The following SMARCA2 variants were observed in gnomAD, a reference collection of about 807,000 sequenced individuals.
SMARCA2 encodes SWI/SNF related BAF chromatin remodeling complex subunit ATPase 2, also known as SWI/SNF-related matrix-associated actin-dependent regulator of chromatin subfamily A member 2.
In SMARCA2, 61 loss-of-function variants were observed where a neutral mutation model predicts 199.8. The observed-to-expected ratio is 0.31, with a 90% CI of 0.25 to 0.38. SMARCA2 has a LOEUF of 0.38. Among genes scored for constraint, SMARCA2 ranks in the 10% least tolerant of loss-of-function variants. The pLI, the probability that SMARCA2 is intolerant of heterozygous loss-of-function variation, is 1.00. For missense variants in SMARCA2, 1,344 were observed against 2,012.2 expected, an observed-to-expected ratio of 0.67 and a Z score of 6.35; for synonymous variants, 935 against 732.0, an observed-to-expected ratio of 1.28 and a Z score of -4.48.
chr9:2,142,675 TTAAAA>T (rs1379287624), intron 27 of SMARCA2, among the ~76,000 whole-genome samples: 3 of 152,210 alleles, frequency 2.0e-5, no homozygotes, highest in South Asian at 2.1e-4. Context: ...TAGTTACTAG[TTAAAA>T]TAAAGGCAGT....
chr9:2,084,292 G>A lies in SMARCA2; in HGVS notation c.2526+96G>A, dbSNP rs569785729. ...CAGTAGTGTAATTGGATCCTTAGAT[G>A]GCTTGTCCTTTTCTTTATTTTTCTA... On this transcript the variant is annotated intron_variant, in intron 17 of 33. Transcript: ENST00000349721. 84 of 644,994 alleles carry A rather than the reference G, an allele frequency of 1.3e-4. No homozygotes were observed. In the Middle Eastern group the frequency reaches 1.3e-3, roughly 10 times the overall value. 40.0% of individuals were successfully genotyped at this position (644,994 alleles called of 1,614,324 possible).
rs148360213 is a variant in SMARCA2 at position 2,086,945 on chromosome 9, G to A, written c.2643G>A (p.Gly881=). Residue 881 remains glycine, a synonymous_variant, in exon 18 of 34, where the codon GGG becomes GGA. Coordinates refer to ENST00000349721, the MANE Select transcript of SMARCA2 (RefSeq NM_003070.5). The surrounding 1 kb of genome is among the most constrained non-coding windows in gnomAD (Gnocchi z 4.3). The part of the protein sequence containing the change: ...YVAPRRILLT[G]TPLQNKLPEL... ...CCCCCAGAAGGATCCTCTTGACTGG[G>A]ACCCCGCTGCAGAATAAGCTCCCTG... 1 of 1,614,114 alleles carries A rather than the reference G, an allele frequency of 6.2e-7. No homozygotes were observed. The highest frequency in any genetic ancestry group is 2.2e-5 in the East Asian group (1 of 44,874).
chr9:2,040,788 G>T (rs1819572063), intron 4 of SMARCA2: 2 of 152,360 alleles, frequency 1.3e-5, no homozygotes, highest in South Asian at 4.1e-4. Context: ...GGGTAGAAAT[G>T]ATACAATCCT....
chr9:2,190,168 T>G (rs2129990526), intron 32 of SMARCA2, among the ~76,000 whole-genome samples: 1 of 152,360 alleles, frequency 6.6e-6, no homozygotes. Flanking sequence ...TTCCAAGTGT[T>G]TCCATTGGTA....
At chr9:2,128,941 A>G (rs779521003) in intron 27 of SMARCA2, among the ~76,000 whole-genome samples, 1 of 152,182 alleles carries the variant, frequency 6.6e-6, no homozygotes, top group Non-Finnish European at 1.5e-5. Context: ...ATAGTCCCCA[A>G]CAACACTGCC....
intron 27 of SMARCA2, chr9:2,158,966 G>A: frequency 6.2e-7 from 1 of 1,612,242 alleles, no homozygotes; most frequent in South Asian, 1.1e-5. Flanking sequence ...ACCTTAGTTT[G>A]AGGGGAATAA....
At position 2,186,306 on chromosome 9, in the gene SMARCA2, G is replaced by C. The variant is rs147822476; in HGVS notation, c.4594+78G>C. 5.3e-3 allele frequency: 7,548 copies of C among 1,430,758 alleles called. 33 individuals are homozygous for C. The highest frequency in any genetic ancestry group is 0.013 in the South Asian group (964 of 76,660). The allele number at this position is 1,430,758 out of a possible 1,614,324, so 88.6% of individuals were successfully genotyped here. A position where few individuals can be genotyped will look rare whatever the true frequency, so the allele number is the denominator to read the frequency against. ...GCTGTCTCCACAGATGTTCACAGAA[G>C]AGACTTTAGAGTGGGGCAGATCTGG... On this transcript the variant is annotated intron_variant, in intron 32 of 33. Coordinates refer to ENST00000349721, the MANE Select transcript of SMARCA2 (RefSeq NM_003070.5).
chr9:2,023,854 C>T (rs1818708947), intron 1 of SMARCA2, among the ~76,000 whole-genome samples: 1 of 152,184 alleles, frequency 6.6e-6, no homozygotes. Flanking sequence ...CCCTTCAGGT[C>T]AGGGGAGATG....
intron 12 of SMARCA2, among the ~76,000 whole-genome samples, chr9:2,075,711 G>A (rs146828122): frequency 0.032 from 4,941 of 152,230 alleles, 204 homozygotes; most frequent in African/African-American, 0.099. Context: ...AGGCTGGAGT[G>A]CAGTGGTGTG....
intron 29 of SMARCA2, among the ~76,000 whole-genome samples, chr9:2,178,205 T>A (rs564204543): frequency 6.6e-6 from 1 of 152,260 alleles, no homozygotes; most frequent in African/African-American, 2.4e-5. Context: ...GAGGAGAGGT[T>A]CTTGTCCACC....
Position 2,186,140 on chromosome 9 carries a change from C to T in SMARCA2, c.4506C>T (p.Ala1502=). Residue 1502 remains alanine (A), a synonymous_variant, in exon 32 of 34, where the codon GCC becomes GCT. Transcript: ENST00000349721. ...SIVLQSVFKS[A]RQKIAKEEES... ...TCTTACAGTCAGTGTTTAAGAGTGC[C>T]CGGCAGAAAATTGCCAAAGAGGAAG... is the stretch of plus-strand genomic sequence containing the variant. 1 of 1,613,856 alleles carries T rather than the reference C, an allele frequency of 6.2e-7. No individual in the cohort carries two copies.
chr9:2,115,879 C>A lies in SMARCA2; in HGVS notation c.3514C>A (p.Leu1172Met). Residue 1172 changes from leucine (L) to methionine (M), a missense_variant, in exon 25 of 34, where the codon CTG becomes ATG. Transcript: ENST00000349721. This position sits in a 1 kb window ranked among gnomAD's most constrained non-coding sequence, Gnocchi z 6.0. ...RIGQQNEVRV[L>M]RLCTVNSVEE... ...CGGGCAGCAGAACGAGGTCCGGGTACTGAGGCTCTGTACCGTGAACAGCGT... is the reference window on the plus strand; with the variant it reads ...CGGGCAGCAGAACGAGGTCCGGGTAATGAGGCTCTGTACCGTGAACAGCGT... 6.2e-7 allele frequency: 1 copy of A among 1,614,046 alleles called. No individual in the cohort carries two copies. The highest frequency in any genetic ancestry group is 8.5e-7 in the Non-Finnish European group (1 of 1,180,004).
intron 27 of SMARCA2, among the ~76,000 whole-genome samples, chr9:2,147,371 G>C (rs535145491): frequency 6.6e-6 from 1 of 152,024 alleles, no homozygotes; most frequent in African/African-American, 2.4e-5. Flanking sequence ...ACATTCATTA[G>C]GGTGAGAAAA....
chr9:2,037,594 G>T (rs189439168), intron 3 of SMARCA2, among the ~76,000 whole-genome samples: 1 of 152,192 alleles, frequency 6.6e-6, no homozygotes, highest in Non-Finnish European at 1.5e-5. Flanking sequence ...TGAATCCCCA[G>T]TTGGTGGCGG....
intron 10 of SMARCA2, among the ~76,000 whole-genome samples, chr9:2,071,315 T>G (rs1821076591): frequency 2.0e-5 from 3 of 152,196 alleles, no homozygotes; most frequent in African/African-American, 7.2e-5. Flanking sequence ...ACTTAACCAC[T>G]ATAATCTATC....
In SMARCA2 at chr9:2,018,582, A is replaced by G. The variant is rs538940745; in HGVS notation, c.-37+3178A>G. Reference sequence around the variant, plus strand: ...TTTTTAACATTTCTGCGTTACCAATATCGAATTTCAAACTTCCATTTCAAA... The same window carrying G: ...TTTTTAACATTTCTGCGTTACCAATGTCGAATTTCAAACTTCCATTTCAAA... On this transcript the variant is annotated intron_variant, in intron 1 of 33. Coordinates refer to ENST00000349721, the MANE Select transcript of SMARCA2 (RefSeq NM_003070.5). Among the ~76,000 whole-genome samples the G allele has an allele frequency of 4.3e-4, 66 of 152,334 alleles. No individual in the cohort carries two copies. In the South Asian group the frequency reaches 0.013, roughly 29 times the overall value.
chr9:2,092,976 G>A (rs1045411361), intron 19 of SMARCA2, among the ~76,000 whole-genome samples: 2 of 152,196 alleles, frequency 1.3e-5, no homozygotes, highest in African/African-American at 4.8e-5. Context: ...CTGTGATTCA[G>A]TGTGGTGGCT....
intron 26 of SMARCA2, among the ~76,000 whole-genome samples, chr9:2,122,756 G>A (rs1481687596): frequency 2.0e-5 from 3 of 152,194 alleles, no homozygotes; most frequent in Non-Finnish European, 4.4e-5. Context: ...ACCAAAGGAA[G>A]AAGGAAAAGG....
intron 5 of SMARCA2, chr9:2,047,734 A>C: frequency 3.6e-6 from 1 of 280,616 alleles, no homozygotes; most frequent in Non-Finnish European, 6.5e-6. Flanking sequence ...ACTGTGGAAT[A>C]CACTGTCCGT....
Sources: allele counts gnomAD v4.1 joint callset (sites outside exome capture counted in the v4.1 genomes callset), GRCh38; gene constraint gnomAD v4.1.1; non-coding constraint Gnocchi (gnomAD v3.1); transcripts MANE v1.5; gene names NCBI Gene and HGNC (gene_info 2026-07-23, HGNC 2026-07-21).